Variants in RPS6KC1 observed in about 807,000 individuals in gnomAD.
RPS6KC1 encodes the protein inactive ribosomal protein S6 kinase delta-1.
In RPS6KC1, 54 loss-of-function variants were observed where a neutral mutation model predicts 103.8. That is an observed-to-expected ratio of 0.52 (90% confidence interval 0.42 to 0.65). RPS6KC1 has a LOEUF of 0.65. RPS6KC1 is among the 30% of genes least tolerant of loss of function. RPS6KC1 has a pLI of 0.00. For missense variants in RPS6KC1, 1,151 were observed against 1,253.8 expected (o/e 0.92, Z 1.24); for synonymous variants, 439 against 438.7 (o/e 1.00, Z -0.01).
chr1:213,104,816 T>TACTATA (rs2082326302), intron 4 of RPS6KC1, among the ~76,000 whole-genome samples: 1 of 151,830 alleles, frequency 6.6e-6, no homozygotes, highest in African/African-American at 2.4e-5. Flanking sequence ...TTGACAGGTG[T>TACTATA]GATCATGGCG....
chr1:213,223,307 A>G (rs753411598), intron 8 of RPS6KC1, among the ~76,000 whole-genome samples: 12 of 152,246 alleles, frequency 7.9e-5, no homozygotes, highest in Non-Finnish European at 1.6e-4. Flanking sequence ...AAGTGCATCC[A>G]TTACTCGAGC....
the RPS6KC1 span, among the ~76,000 whole-genome samples, chr1:213,741,502 G>A: frequency 5.0e-3 from 745 of 149,924 alleles, 6 homozygotes; most frequent in Middle Eastern, 0.041. Flanking sequence ...GAGAAAATGC[G>A]TGCTTGATGG....
At chr1:213,723,856 A>G in the RPS6KC1 span, among the ~76,000 whole-genome samples, 1 of 152,060 alleles carries the variant, frequency 6.6e-6, no homozygotes, top group African/African-American at 2.4e-5. Flanking sequence ...GAGAGACAGT[A>G]AATGGAATGA....
the RPS6KC1 span, among the ~76,000 whole-genome samples, chr1:213,292,760 CAAAG>C: frequency 3.9e-5 from 6 of 152,112 alleles, no homozygotes; most frequent in Admixed American, 2.0e-4. Context: ...TATTAAGAAA[CAAAG>C]GAAGAACTGC....
the RPS6KC1 span, among the ~76,000 whole-genome samples, chr1:213,532,052 C>T: frequency 1.3e-5 from 2 of 152,198 alleles, no homozygotes; most frequent in African/African-American, 4.8e-5. Flanking sequence ...AACAAGTGTA[C>T]AGAGACCTGG....
At chr1:213,817,809 A>G in the RPS6KC1 span, 10 of 145,706 alleles carry the variant, frequency 6.9e-5, no homozygotes, top group African/African-American at 2.7e-4. Context: ...TTTTTTTTTT[A>G]CAAATTGAAG....
chr1:213,850,545 G>A, the RPS6KC1 span, among the ~76,000 whole-genome samples: 1 of 152,146 alleles, frequency 6.6e-6, no homozygotes, highest in Non-Finnish European at 1.5e-5. Context: ...TGCTCTTTCC[G>A]ATGAGCTACT....
At position 213,241,986 on chromosome 1, in the gene RPS6KC1, C is replaced by T; in HGVS notation, c.2510C>T (p.Thr837Ile). ...AATGAATATATTGCAAGCACAGACA[C>T]TTTAAAAACAGAAGAAGTATTGCTG... ...GANEYIASTD[T>I]LKTEEVLLFT... Residue 837 changes from threonine to isoleucine, a missense_variant, in exon 11 of 15, where the codon ACT (threonine) becomes ATT (isoleucine). By Grantham distance (89) the Thr-to-Ile change is moderately conservative. Transcript: ENST00000366960. 1 of 1,614,042 alleles carries T rather than the reference C, an allele frequency of 6.2e-7. No individual in the cohort carries two copies. The highest frequency in any genetic ancestry group is 8.5e-7 in the Non-Finnish European group (1 of 1,179,956).
chr1:213,396,146 A>T, the RPS6KC1 span, among the ~76,000 whole-genome samples: 3 of 152,300 alleles, frequency 2.0e-5, no homozygotes, highest in South Asian at 6.2e-4. Flanking sequence ...CAGCCTGAGA[A>T]AGGCAGTTTT....
the RPS6KC1 span, among the ~76,000 whole-genome samples, chr1:213,428,529 T>TTC: frequency 1.2e-3 from 72 of 58,412 alleles, no homozygotes; most frequent in African/African-American, 3.3e-3. Flanking sequence ...TCTTTCTCTC[T>TTC]CTCTCTCTCT....
chr1:213,532,416 A>C, the RPS6KC1 span, among the ~76,000 whole-genome samples: 2,343 of 152,286 alleles, frequency 0.015, 69 homozygotes, highest in African/African-American at 0.054. Context: ...AAAAAAAGTC[A>C]CTTGGAACCC....
rs774083131 is a variant in RPS6KC1 at position 213,117,375 on chromosome 1, C to A, written c.437C>A (p.Ser146Tyr). 6.2e-7 allele frequency: 1 copy of A among 1,610,428 alleles called. No homozygotes were observed. Among genetic ancestry groups the A allele is most frequent in the Non-Finnish European group, 8.5e-7 (1 of 1,177,102 alleles). The change falls in exon 5 of 15, where the codon TCC becomes TAC. Residue 146 changes from serine to tyrosine, a missense_variant. Physicochemically the swap from Ser to Tyr is moderately radical, Grantham distance 144. Around this residue, in one of 3 missense-constraint regions of RPS6KC1, gnomAD observed 959 missense variants for 1,006.3 expected, o/e 0.95. Transcript: ENST00000366960. ...GGTCCTGCTGAAGCTCACTCAGATT[C>A]CCTCATTGATACCTTTCCTGAGTGT... The part of the protein sequence containing the change: ...LIGPAEAHSD[S>Y]LIDTFPECST...
At chr1:213,687,706 G>A in the RPS6KC1 span, among the ~76,000 whole-genome samples, 26 of 152,102 alleles carry the variant, frequency 1.7e-4, no homozygotes, top group African/African-American at 6.3e-4. Context: ...CAAAGCATAA[G>A]TATATGGAAA....
chr1:213,642,852 A>G, the RPS6KC1 span, among the ~76,000 whole-genome samples: 4 of 152,044 alleles, frequency 2.6e-5, no homozygotes, highest in African/African-American at 7.2e-5. Flanking sequence ...TCTTCATTAG[A>G]ATTTATTTTT....
At chr1:213,494,574 G>A in the RPS6KC1 span, among the ~76,000 whole-genome samples, 231 of 152,080 alleles carry the variant, frequency 1.5e-3, no homozygotes, top group African/African-American at 5.4e-3. Flanking sequence ...AAGTCATATT[G>A]TTTTGAGAGA....
chr1:213,792,448 C>T, the RPS6KC1 span, among the ~76,000 whole-genome samples: 3 of 152,126 alleles, frequency 2.0e-5, no homozygotes, highest in Admixed American at 6.5e-5. Flanking sequence ...GACAAAAACC[C>T]AGGTTAAAGC....
the RPS6KC1 span, among the ~76,000 whole-genome samples, chr1:213,545,869 T>C: frequency 6.6e-6 from 1 of 152,170 alleles, no homozygotes; most frequent in Non-Finnish European, 1.5e-5. Context: ...TTGTGTGTGT[T>C]CCCGGACAGC....
chr1:213,141,561 A>C (rs146554448), intron 6 of RPS6KC1, among the ~76,000 whole-genome samples: 40 of 151,476 alleles, frequency 2.6e-4, no homozygotes, highest in Admixed American at 2.4e-3. Context: ...TCTGAATCTT[A>C]TTTGTTCTTT....
the RPS6KC1 span, among the ~76,000 whole-genome samples, chr1:213,538,172 G>C: frequency 6.6e-6 from 1 of 152,278 alleles, no homozygotes; most frequent in South Asian, 2.1e-4. Context: ...TTGGCTCCCA[G>C]GTTTGGTGGG....
Sources: gnomAD v4.1 joint callset for allele counts (sites outside exome capture counted in the v4.1 genomes callset) on GRCh38, gnomAD v4.1.1 for gene constraint, gnomAD v4.1.1 regional missense constraint, MANE v1.5 for transcripts, NCBI Gene and HGNC (gene_info 2026-07-23, HGNC 2026-07-21) for gene names.